The following SH3GL3 variants were observed in gnomAD, a reference collection of about 807,000 sequenced individuals.
SH3GL3 encodes endophilin-A3.
Under a neutral mutation model 47.7 loss-of-function variants are expected in SH3GL3, and 33 were observed. The ratio of observed to expected loss-of-function variants is 0.69; its 90% CI spans 0.52 to 0.92. The LOEUF is 0.92. Among genes scored for constraint, SH3GL3 ranks in the 40% least tolerant of loss-of-function variants. SH3GL3 has a pLI of 0.00. For synonymous variants in SH3GL3, 155 were observed against 148.8 expected, an observed-to-expected ratio of 1.04 and a Z score of -0.30; for missense variants, 363 against 417.8, an observed-to-expected ratio of 0.87 and a Z score of 1.14.
intron 1 of SH3GL3, among the ~76,000 whole-genome samples, chr15:83,532,291 G>T (rs531647276): frequency 6.6e-6 from 1 of 152,326 alleles, no homozygotes; most frequent in South Asian, 2.1e-4. Context: ...TTTCAAGTCA[G>T]TAGCAAAATA....
At chr15:83,495,677 C>T (rs1382948625) in intron 1 of SH3GL3, among the ~76,000 whole-genome samples, 1 of 152,046 alleles carries the variant, frequency 6.6e-6, no homozygotes, top group Non-Finnish European at 1.5e-5. Context: ...GCGGAGGTTG[C>T]AGTGAGCCAA....
intron 8 of SH3GL3, among the ~76,000 whole-genome samples, chr15:83,599,583 T>A (rs1053886202): frequency 6.6e-6 from 1 of 152,242 alleles, no homozygotes; most frequent in African/African-American, 2.4e-5. Flanking sequence ...ACAGTTTTTT[T>A]ATCCACTCAT....
At chr15:83,467,736 A>C (rs1038555794) in intron 1 of SH3GL3, among the ~76,000 whole-genome samples, 2 of 152,218 alleles carry the variant, frequency 1.3e-5, no homozygotes, top group Non-Finnish European at 2.9e-5. Context: ...AGTTGTCAGC[A>C]CATAGATCGT....
intron 1 of SH3GL3, among the ~76,000 whole-genome samples, chr15:83,494,990 G>A (rs949354085): frequency 6.6e-6 from 1 of 152,126 alleles, no homozygotes; most frequent in African/African-American, 2.4e-5. Flanking sequence ...CCTTCCAGAT[G>A]CTCCTTCCCT....
chr15:83,467,749 G>A (rs566730169), intron 1 of SH3GL3, among the ~76,000 whole-genome samples: 4 of 152,118 alleles, frequency 2.6e-5, no homozygotes, highest in African/African-American at 7.2e-5. Context: ...TAGATCGTGT[G>A]CATGTTTTAT....
intron 1 of SH3GL3, among the ~76,000 whole-genome samples, chr15:83,468,410 G>T (rs1051768256): frequency 6.6e-6 from 1 of 152,164 alleles, no homozygotes; most frequent in African/African-American, 2.4e-5. Context: ...TTGAATAAGA[G>T]TAGTGAGAGT....
intron 1 of SH3GL3, among the ~76,000 whole-genome samples, chr15:83,541,060 T>G (rs1276546191): frequency 6.6e-6 from 1 of 152,138 alleles, no homozygotes; most frequent in African/African-American, 2.4e-5. Context: ...GTGCCTGGCT[T>G]ATTTCACTTA....
At chr15:83,625,706 A>ATT in the SH3GL3 span, among the ~76,000 whole-genome samples, 1 of 151,692 alleles carries the variant, frequency 6.6e-6, no homozygotes. Flanking sequence ...GATTTTATCC[A>ATT]TTTTTTTCTC....
chr15:83,528,180 G>A (rs950848193), intron 1 of SH3GL3, among the ~76,000 whole-genome samples: 1 of 152,098 alleles, frequency 6.6e-6, no homozygotes, highest in African/African-American at 2.4e-5. Context: ...AGTCTGATGG[G>A]GGGCAGTTCC....
At chr15:83,561,396 G>T (rs1191340649) in intron 2 of SH3GL3, among the ~76,000 whole-genome samples, 1 of 152,068 alleles carries the variant, frequency 6.6e-6, no homozygotes, top group Non-Finnish European at 1.5e-5. Flanking sequence ...CATTATTTAG[G>T]CATGAGTGAC....
intron 1 of SH3GL3, among the ~76,000 whole-genome samples, chr15:83,520,812 C>T (rs956642240): frequency 2.0e-5 from 3 of 152,228 alleles, no homozygotes; most frequent in East Asian, 1.9e-4. Context: ...CTCTCCCACC[C>T]ACCCCCACAA....
At chr15:83,515,785 TGA>T (rs2042954318) in intron 1 of SH3GL3, among the ~76,000 whole-genome samples, 1 of 152,216 alleles carries the variant, frequency 6.6e-6, no homozygotes, top group Non-Finnish European at 1.5e-5. Context: ...TTAACATCAC[TGA>T]GTTAATGTCA....
At position 83,517,084 on chromosome 15, in the gene SH3GL3, T is replaced by C. The variant is rs562473842; in HGVS notation, c.46-42169T>C. Among the ~76,000 whole-genome samples the C allele has an allele frequency of 4.6e-5, 7 of 152,272 alleles. No homozygotes were observed. In the East Asian group the frequency reaches 1.4e-3, roughly 29 times the overall value. On this transcript the variant is annotated intron_variant, in intron 1 of 8. Transcript: ENST00000427482. ...AATATTGCTGCTATGAACATACTTA[T>C]ACATGTCTCCTAGAAGACTTGTATC...
chr15:83,560,615 C>T (rs1443664504), intron 2 of SH3GL3, among the ~76,000 whole-genome samples: 1 of 152,130 alleles, frequency 6.6e-6, no homozygotes, highest in Non-Finnish European at 1.5e-5. Flanking sequence ...CCTCCTTTTA[C>T]CTCCAAAAAC....
intron 1 of SH3GL3, among the ~76,000 whole-genome samples, chr15:83,462,901 A>C (rs980563132): frequency 7.9e-5 from 12 of 152,190 alleles, no homozygotes; most frequent in Non-Finnish European, 1.6e-4. Context: ...CTGATGTTGT[A>C]TAAGAATATC....
At position 83,588,736 on chromosome 15, in the gene SH3GL3, A is replaced by G. The variant is rs778427582; in HGVS notation, c.803A>G (p.Asn268Ser). The change falls in exon 8 of 9, where the codon AAT (asparagine) becomes AGT (serine). Residue 268 changes from asparagine to serine, a missense_variant. Physicochemically the swap from Asn to Ser is conservative, Grantham distance 46. Transcript: ENST00000427482. ...GTGAAAAGGAGTTCTAGTGAGCTCA[A>G]TGGAGTTTCCACCACCTCTGTAGTG... ...RPVKRSSSELNGVSTTSVVKT... is the reference protein window; with the variant it reads ...RPVKRSSSELSGVSTTSVVKT... The G allele has an allele frequency of 2.4e-5, 38 of 1,611,106 alleles. No homozygotes were observed. The highest frequency in any genetic ancestry group is 8.0e-5 in the African/African-American group (6 of 74,886).
At chr15:83,494,280 G>A (rs548949365) in intron 1 of SH3GL3, among the ~76,000 whole-genome samples, 6 of 152,294 alleles carry the variant, frequency 3.9e-5, no homozygotes, top group East Asian at 1.9e-4. Flanking sequence ...TGATGGGCTC[G>A]GTCACTGGAA....
intron 8 of SH3GL3, among the ~76,000 whole-genome samples, chr15:83,599,982 A>G (rs1048732572): frequency 5.9e-5 from 9 of 151,874 alleles, no homozygotes; most frequent in African/African-American, 1.5e-4. Flanking sequence ...GGCCATTTGT[A>G]TATCTTCTTT....
intron 1 of SH3GL3, among the ~76,000 whole-genome samples, chr15:83,542,567 G>A (rs1287381517): frequency 1.3e-5 from 2 of 152,110 alleles, no homozygotes. Flanking sequence ...TAGTAGGTAT[G>A]AAATTTTAAC....
Sources: gnomAD v4.1 joint callset for allele counts (sites outside exome capture counted in the v4.1 genomes callset) on GRCh38, gnomAD v4.1.1 for gene constraint, MANE v1.5 for transcripts, NCBI Gene and HGNC (gene_info 2026-07-23, HGNC 2026-07-21) for gene names.